STON1: variants seen among roughly 807,000 people sequenced by gnomAD.
STON1 encodes stonin-1.
STON1 carries 79 observed loss-of-function variants against 60.9 expected under a neutral mutation model. The ratio of observed to expected loss-of-function variants is 1.30; its 90% confidence interval spans 1.08 to 1.56. The LOEUF (loss-of-function observed/expected upper bound fraction) is 1.56. Ranked by LOEUF, STON1 falls within the 40% of genes most tolerant of loss-of-function variation. STON1 has a pLI of 0.00. For missense variants in STON1, 1,166 were observed against 858.9 expected, an observed-to-expected ratio of 1.36 and a Z score of -4.47; for synonymous variants, 363 against 306.9, an observed-to-expected ratio of 1.18 and a Z score of -1.91.
At position 48,581,979 on chromosome 2, in the gene STON1, A is replaced by G; in HGVS notation, c.1346A>G (p.Asn449Ser). ...ITQIYCLCFV[N>S]GNLECFLTLN... ...CAAATTTATTGCCTCTGCTTTGTGAATGGGAACCTGGAATGCTTTTTAACC... is the reference window on the plus strand; with the variant it reads ...CAAATTTATTGCCTCTGCTTTGTGAGTGGGAACCTGGAATGCTTTTTAACC... Residue 449 changes from asparagine (N) to serine (S), a missense_variant, in exon 2 of 4, where the codon AAT becomes AGT. Coordinates refer to ENST00000404752, the MANE Select transcript of STON1 (RefSeq NM_006873.4). The G allele has an allele frequency of 1.2e-6, 2 of 1,614,234 alleles. No individual in the cohort carries two copies. Among genetic ancestry groups the G allele is most frequent in the Non-Finnish European group, 1.7e-6 (2 of 1,180,046 alleles).
intron 1 of STON1, among the ~76,000 whole-genome samples, chr2:48,563,596 T>C (rs1289005327): frequency 6.6e-6 from 1 of 152,226 alleles, no homozygotes; most frequent in African/African-American, 2.4e-5. Context: ...AAAGGTGGAC[T>C]GTGTGTTCCC....
intron 1 of STON1, among the ~76,000 whole-genome samples, chr2:48,565,712 G>T (rs547662819): frequency 7.1e-4 from 108 of 152,316 alleles, no homozygotes; most frequent in African/African-American, 2.5e-3. Context: ...GGAGAAAGCA[G>T]GTGTTCTAAA....
intron 1 of STON1, among the ~76,000 whole-genome samples, chr2:48,548,997 T>C (rs1183028114): frequency 2.6e-5 from 4 of 152,200 alleles, no homozygotes; most frequent in Admixed American, 6.5e-5. Flanking sequence ...CTTAATTTAC[T>C]GGCAGAGTCA....
At position 48,587,523 on chromosome 2, in the gene STON1, C is replaced by A. The variant is rs190889982; in HGVS notation, c.1931-4130C>A. Among the ~76,000 whole-genome samples, 866 of 152,260 alleles carry A rather than the reference C, an allele frequency of 5.7e-3. 9 individuals are homozygous for A. Among genetic ancestry groups the A allele is most frequent in the African/African-American group, 0.02 (828 of 41,556 alleles). On this transcript the variant is annotated intron_variant, in intron 2 of 3. Transcript: ENST00000404752. ...GGCCAGGCTGGTCTCAAACTCCTGA[C>A]CTCGTGACCTGCCCAGTTTGGCCTC...
At chr2:48,531,336 A>G (rs1472199767) in intron 1 of STON1, 2 of 152,288 alleles carry the variant, frequency 1.3e-5, no homozygotes, top group African/African-American at 4.8e-5. Flanking sequence ...AAACAAGGCA[A>G]TGGGAGAGGC....
At chr2:48,566,828 C>T (rs1049262465) in intron 1 of STON1, among the ~76,000 whole-genome samples, 8 of 152,096 alleles carry the variant, frequency 5.3e-5, no homozygotes, top group Non-Finnish European at 1.0e-4. Flanking sequence ...TTAAGAGGGG[C>T]TGGTGTTGTG....
Position 48,597,305 on chromosome 2 carries a change from A to G in STON1, c.*2003A>G, listed in dbSNP as rs940542257. ...ATCATCTGGTGTGGGCGCACTCTACAGTGACTTCAGTCTGCTCAGAACGAA... is the reference window on the plus strand; with the variant it reads ...ATCATCTGGTGTGGGCGCACTCTACGGTGACTTCAGTCTGCTCAGAACGAA... On this transcript the variant is annotated 3_prime_UTR_variant, in exon 4 of 4. Transcript: ENST00000404752. The G allele has an allele frequency of 1.3e-5, 2 of 152,202 alleles. No homozygotes were observed. The highest frequency in any genetic ancestry group is 4.8e-5 in the African/African-American group (2 of 41,452). 9.4% of individuals were successfully genotyped at this position (152,202 alleles called of 1,614,324 possible). A position where few individuals can be genotyped will look rare whatever the true frequency, so the allele number is the denominator to read the frequency against.
chr2:48,594,090 C>T (rs980255844), intron 3 of STON1, among the ~76,000 whole-genome samples: 1 of 152,146 alleles, frequency 6.6e-6, no homozygotes, highest in Non-Finnish European at 1.5e-5. Context: ...ACATTGCATC[C>T]CAGCTTCTCT....
chr2:48,574,385 A>G (rs927532697), intron 1 of STON1, among the ~76,000 whole-genome samples: 3 of 152,070 alleles, frequency 2.0e-5, no homozygotes, highest in African/African-American at 4.8e-5. Context: ...CGAAAAAAAA[A>G]AAAAGAAAAG....
At chr2:48,567,877 T>A (rs544802050) in intron 1 of STON1, among the ~76,000 whole-genome samples, 217 of 144,266 alleles carry the variant, frequency 1.5e-3, no homozygotes, top group African/African-American at 5.2e-3. Context: ...AGACTGAGGG[T>A]TTGGAAATGC....
intron 1 of STON1, among the ~76,000 whole-genome samples, chr2:48,578,328 T>C (rs534488186): frequency 5.4e-4 from 83 of 152,342 alleles, no homozygotes; most frequent in African/African-American, 2.0e-3. Context: ...GACAAGCTTG[T>C]CCAACGTGCA....
intron 1 of STON1, among the ~76,000 whole-genome samples, chr2:48,538,166 C>G (rs1299583445): frequency 1.3e-5 from 2 of 151,942 alleles, no homozygotes; most frequent in African/African-American, 4.8e-5. Flanking sequence ...ACCGTGTTAG[C>G]CAGGATGGTC....
At chr2:48,539,117 T>A (rs1671552556) in intron 1 of STON1, among the ~76,000 whole-genome samples, 1 of 152,024 alleles carries the variant, frequency 6.6e-6, no homozygotes, top group South Asian at 2.1e-4. Context: ...GGGGTCTTGC[T>A]ATGTTGACCA....
At chr2:48,563,433 G>A (rs947477399) in intron 1 of STON1, among the ~76,000 whole-genome samples, 1 of 152,198 alleles carries the variant, frequency 6.6e-6, no homozygotes, top group Non-Finnish European at 1.5e-5. Flanking sequence ...GCGGACTGCT[G>A]GTCTCCCAGG....
chr2:48,591,043 TATAAG>T (rs1161816527), intron 2 of STON1, among the ~76,000 whole-genome samples: 1 of 151,964 alleles, frequency 6.6e-6, no homozygotes, highest in East Asian at 1.9e-4. Context: ...AATTAATAAT[TATAAG>T]ATGTTACTCA....
rs187814380 is a variant in STON1, at chr2:48,580,883, C to A, written c.250C>A (p.Pro84Thr). The A allele has an allele frequency of 6.9e-6, 11 of 1,588,414 alleles. No homozygotes were observed. In the Admixed American group the frequency reaches 8.9e-5, roughly 13 times the overall value. The change falls in exon 2 of 4, where the codon CCT (proline) becomes ACT (threonine). Residue 84 changes from proline to threonine, a missense_variant. Physicochemically the swap from Pro to Thr is conservative, Grantham distance 38. Transcript: ENST00000404752. ...GPPSNSPLST[P>T]TKDFPGFPGI... ...TCCAAGTAACTCTCCTCTTTCTACACCTACCAAAGACTTCCCAGGTTTTCC... is the reference window on the plus strand; with the variant it reads ...TCCAAGTAACTCTCCTCTTTCTACAACTACCAAAGACTTCCCAGGTTTTCC...
chr2:48,578,269 C>T (rs1369713961), intron 1 of STON1, among the ~76,000 whole-genome samples: 12 of 152,186 alleles, frequency 7.9e-5, no homozygotes, highest in Non-Finnish European at 4.4e-5. Context: ...TGAGCCACTG[C>T]ACCCAGCCTC....
chr2:48,555,342 C>A (rs1251510188), intron 1 of STON1, among the ~76,000 whole-genome samples: 2 of 52,180 alleles, frequency 3.8e-5, no homozygotes. Flanking sequence ...CACCTCCCTC[C>A]CGGATGGGGC....
intron 2 of STON1, among the ~76,000 whole-genome samples, chr2:48,590,340 A>G (rs1674440641): frequency 6.6e-6 from 1 of 152,190 alleles, no homozygotes; most frequent in Non-Finnish European, 1.5e-5. Context: ...TAGTCACTCT[A>G]CAAGAAACAG....
Sources: gnomAD v4.1 joint callset for allele counts (sites outside exome capture counted in the v4.1 genomes callset) on GRCh38, gnomAD v4.1.1 for gene constraint, MANE v1.5 for transcripts, NCBI Gene and HGNC (gene_info 2026-07-23, HGNC 2026-07-21) for gene names.